Variants in RSPO2 observed in about 807,000 individuals in gnomAD.
The protein encoded by RSPO2 is R-spondin 2.
A neutral mutation model predicts 30.9 loss-of-function variants in RSPO2; 14 were observed. The observed-to-expected ratio is 0.45, with a 90% CI of 0.30 to 0.71. The LOEUF (loss-of-function observed/expected upper bound fraction) is 0.71, where lower values mean the gene tolerates loss of function less well. Among genes scored for constraint, RSPO2 ranks in the 30% least tolerant of loss-of-function variants. The pLI is 0.08. For synonymous variants in RSPO2, 107 were observed against 96.4 expected (o/e 1.11, Z -0.64); for missense variants, 264 against 301.9 (o/e 0.87, Z 0.93).
chr8:107,984,797 T>G (rs1256492944), intron 3 of RSPO2, among the ~76,000 whole-genome samples: 1 of 152,162 alleles, frequency 6.6e-6, no homozygotes, highest in Admixed American at 6.5e-5. Flanking sequence ...GAATAATGTT[T>G]TATATGTGTT....
At chr8:108,077,427 G>T (rs1813048296) in intron 2 of RSPO2, among the ~76,000 whole-genome samples, 1 of 152,050 alleles carries the variant, frequency 6.6e-6, no homozygotes, top group Non-Finnish European at 1.5e-5. Flanking sequence ...CAGGTGGAAG[G>T]TGGGCTTTGG....
At chr8:108,018,859 T>A (rs1810973365) in intron 2 of RSPO2, among the ~76,000 whole-genome samples, 1 of 152,222 alleles carries the variant, frequency 6.6e-6, no homozygotes, top group African/African-American at 2.4e-5. Flanking sequence ...ATTTAATGAT[T>A]CATATTTTAA....
intron 5 of RSPO2, among the ~76,000 whole-genome samples, chr8:107,953,377 G>C (rs1440369437): frequency 6.6e-6 from 1 of 152,198 alleles, no homozygotes; most frequent in East Asian, 1.9e-4. Context: ...AAGGAGAGTA[G>C]GGCCTTCACA....
intron 3 of RSPO2, among the ~76,000 whole-genome samples, chr8:107,964,884 G>T (rs1172332778): frequency 6.6e-6 from 1 of 152,152 alleles, no homozygotes; most frequent in Non-Finnish European, 1.5e-5. Context: ...CAGTACAGAA[G>T]TTTTACAGGA....
intron 5 of RSPO2, among the ~76,000 whole-genome samples, chr8:107,950,406 A>C (rs934365508): frequency 1.6e-4 from 24 of 152,138 alleles, no homozygotes; most frequent in Non-Finnish European, 3.4e-4. Flanking sequence ...ACACAGATCT[A>C]AATAGCTTAT....
At chr8:108,038,236 G>C (rs1197245841) in intron 2 of RSPO2, among the ~76,000 whole-genome samples, 1 of 152,180 alleles carries the variant, frequency 6.6e-6, no homozygotes, top group African/African-American at 2.4e-5. Flanking sequence ...TCAGTGGAGT[G>C]AGTAATTGCA....
chr8:108,055,222 T>A (rs990956928), intron 2 of RSPO2, among the ~76,000 whole-genome samples: 3 of 152,178 alleles, frequency 2.0e-5, no homozygotes, highest in African/African-American at 4.8e-5. Flanking sequence ...TAAAGAGCTT[T>A]CTAGACAGAG....
At chr8:108,062,660 G>A (rs1283078600) in intron 2 of RSPO2, among the ~76,000 whole-genome samples, 4 of 151,722 alleles carry the variant, frequency 2.6e-5, no homozygotes, top group East Asian at 1.9e-4. Flanking sequence ...AGAAAAAGAC[G>A]GAATCCTCCC....
intron 5 of RSPO2, among the ~76,000 whole-genome samples, chr8:107,940,727 T>C (rs189775122): frequency 9.3e-4 from 141 of 152,260 alleles, no homozygotes; most frequent in African/African-American, 3.1e-3. Context: ...AAGAACCCCT[T>C]CCAAGCACAA....
chr8:108,034,838 G>C (rs927201601), intron 2 of RSPO2, among the ~76,000 whole-genome samples: 1 of 152,208 alleles, frequency 6.6e-6, no homozygotes, highest in African/African-American at 2.4e-5. Flanking sequence ...TGCACGCACA[G>C]AACACTTAAT....
At chr8:108,066,243 T>C (rs1043066420) in intron 2 of RSPO2, among the ~76,000 whole-genome samples, 1 of 152,170 alleles carries the variant, frequency 6.6e-6, no homozygotes, top group South Asian at 2.1e-4. Context: ...CTCTCCTCTC[T>C]AAGCCTTCCA....
chr8:107,917,623 C>A (rs1474320631), intron 5 of RSPO2, among the ~76,000 whole-genome samples: 1 of 152,066 alleles, frequency 6.6e-6, no homozygotes, highest in Non-Finnish European at 1.5e-5. Context: ...GACATGAGGT[C>A]CCCTGAAGTC....
intron 5 of RSPO2, among the ~76,000 whole-genome samples, chr8:107,937,947 A>C (rs1057047649): frequency 6.6e-6 from 1 of 152,138 alleles, no homozygotes; most frequent in African/African-American, 2.4e-5. Flanking sequence ...AATGGGGTAT[A>C]TATAAATATT....
chr8:107,995,609 C>G (rs1168351501), intron 2 of RSPO2, among the ~76,000 whole-genome samples: 3 of 152,110 alleles, frequency 2.0e-5, no homozygotes, highest in Non-Finnish European at 2.9e-5. Flanking sequence ...AGACCACAAC[C>G]AGTTTTCTCA....
At chr8:107,935,333 T>C (rs1171113103) in intron 5 of RSPO2, among the ~76,000 whole-genome samples, 1 of 152,152 alleles carries the variant, frequency 6.6e-6, no homozygotes, top group East Asian at 1.9e-4. Flanking sequence ...TTATGCATTA[T>C]GAGATAAGAA....
At chr8:107,949,360 T>C (rs563535171) in intron 5 of RSPO2, among the ~76,000 whole-genome samples, 28 of 152,334 alleles carry the variant, frequency 1.8e-4, no homozygotes, top group African/African-American at 5.3e-4. Context: ...GGCGGAGTGG[T>C]ATTCCATGGT....
intron 5 of RSPO2, among the ~76,000 whole-genome samples, chr8:107,955,388 T>C (rs1813389488): frequency 6.6e-6 from 1 of 152,042 alleles, no homozygotes; most frequent in South Asian, 2.1e-4. Context: ...GGGACCCAGA[T>C]AACTCCAGAC....
chr8:107,998,284 C>A (rs1410943654), intron 2 of RSPO2, among the ~76,000 whole-genome samples: 4 of 151,740 alleles, frequency 2.6e-5, no homozygotes, highest in Non-Finnish European at 5.9e-5. Flanking sequence ...ACTTGCATGT[C>A]GGATGCTATA....
chr8:108,073,979 T>C (rs1030259905), intron 2 of RSPO2, among the ~76,000 whole-genome samples: 2 of 152,182 alleles, frequency 1.3e-5, no homozygotes, highest in Admixed American at 6.5e-5. Flanking sequence ...CTTAACCTAT[T>C]GAAGGAAAGA....
Sources: gnomAD v4.1 joint callset for allele counts (sites outside exome capture counted in the v4.1 genomes callset) on GRCh38, gnomAD v4.1.1 for gene constraint, MANE v1.5 for transcripts, NCBI Gene and HGNC (gene_info 2026-07-23, HGNC 2026-07-21) for gene names.